The following STARD7 variants were observed in gnomAD, a reference collection of about 807,000 sequenced individuals.
STARD7 encodes StAR related lipid transfer domain containing 7.
Under a neutral mutation model 45.3 loss-of-function variants are expected in STARD7, and 30 were observed. That is an observed-to-expected ratio of 0.66 (90% CI 0.50 to 0.90). The LOEUF is 0.90. Ranked by LOEUF, STARD7 falls within the 40% of genes least tolerant of loss-of-function variation. STARD7 has a pLI of 0.00. For missense variants in STARD7, 495 were observed against 491.3 expected (o/e 1.01, Z -0.07); for synonymous variants, 199 against 183.0 (o/e 1.09, Z -0.70).
chr2:96,193,437 C>A (rs1683157133), intron 3 of STARD7, 85 bp from the exon 4 acceptor site: 4 of 858,530 alleles, frequency 4.7e-6, no homozygotes, highest in East Asian at 2.4e-5. Flanking sequence ...GGTCTCTGAT[C>A]CAAGAATCTT....
At position 96,186,712 on chromosome 2, in the gene STARD7, T is replaced by A; in HGVS notation, c.*18A>T. The A allele has an allele frequency of 6.3e-7, 1 of 1,591,388 alleles. No individual in the cohort carries two copies. The highest frequency in any genetic ancestry group is 8.6e-7 in the Non-Finnish European group (1 of 1,168,944). ...GACAGGGCTAGAAGCACCTTGTCCC[T>A]TCTTATCCCAAAGCCTGTCAAGCAT... is the stretch of plus-strand genomic sequence containing the variant. On this transcript the variant is annotated 3_prime_UTR_variant, in exon 8 of 8. Coordinates refer to ENST00000337288, the MANE Select transcript of STARD7 (RefSeq NM_020151.4).
rs773706751 is a variant in STARD7, at chr2:96,193,122, C to A, written c.699G>T (p.Arg233=). ...TGTTGTTTTCCTGATCCACACTATA[C>A]CGCCGAACATAAACATAATCCCGTG... ...MYSRDYVYVR[R]YSVDQENNMM... is the part of the protein sequence containing the mutation. The change falls in exon 5 of 8, where the codon CGG becomes CGT. Residue 233 remains arginine, a synonymous_variant. Coordinates refer to ENST00000337288, the MANE Select transcript of STARD7 (RefSeq NM_020151.4). The A allele has an allele frequency of 1.9e-6, 3 of 1,613,776 alleles. No homozygotes were observed. The highest frequency in any genetic ancestry group is 2.2e-5 in the South Asian group (2 of 91,074).
chr2:96,206,784 G>A (rs1683398053), intron 1 of STARD7, among the ~76,000 whole-genome samples: 1 of 122,062 alleles, frequency 8.2e-6, no homozygotes, highest in South Asian at 2.8e-4. Context: ...CTGGGCGACA[G>A]AGCGAGACTC....
chr2:96,193,427 G>C, intron 3 of STARD7, 75 bp from the exon 4 acceptor site: 1 of 935,670 alleles, frequency 1.1e-6, no homozygotes, highest in Middle Eastern at 2.1e-4. Flanking sequence ...CAGATGCTTT[G>C]GTCTCTGATC....
At chr2:96,195,684 A>C in intron 1 of STARD7, 135 bp from the exon 2 acceptor site, 1 of 634,076 alleles carries the variant, frequency 1.6e-6, no homozygotes, top group Non-Finnish European at 2.7e-6. Flanking sequence ...CAGTATAGTC[A>C]ATAAAAACTG....
Position 96,192,258 on chromosome 2 carries a change from G to C in STARD7, c.843+111C>G, listed in dbSNP as rs79133185. On this transcript the variant is annotated intron_variant, in intron 6 of 7. Coordinates refer to ENST00000337288, the MANE Select transcript of STARD7 (RefSeq NM_020151.4). ...CAGACCAGTAGCATCAGACTCCCCC[G>C]AGCGAGAACTGTTCCTGCGCCACAC... The C allele has an allele frequency of 2.3e-5, 20 of 867,232 alleles. No homozygotes were observed. The African/African-American group carries it at 3.1e-4, about 14-fold the overall frequency. 53.7% of individuals were successfully genotyped at this position (867,232 alleles called of 1,614,324 possible). A position where few individuals can be genotyped will look rare whatever the true frequency, so the allele number is the denominator to read the frequency against.
Position 96,186,236 on chromosome 2 carries a change from GC to G in STARD7, c.*493del, listed in dbSNP as rs1209133845. The G allele has an allele frequency of 6.5e-6, 1 of 152,704 alleles. No individual in the cohort carries two copies. Among genetic ancestry groups the G allele is most frequent in the Non-Finnish European group, 1.5e-5 (1 of 68,182 alleles). The allele number at this position is 152,704 out of a possible 1,614,324, so 9.5% of individuals were successfully genotyped here. A position where few individuals can be genotyped will look rare whatever the true frequency, so the allele number is the denominator to read the frequency against. ...AGGTGCGGACAAGGCACTTAACATA[GC>G]CAAGTATCGTTCACACCCATTCACA... On this transcript the variant is annotated 3_prime_UTR_variant, in exon 8 of 8. Coordinates refer to ENST00000337288, the MANE Select transcript of STARD7 (RefSeq NM_020151.4).
chr2:96,207,877 T>C (rs1362950881), intron 1 of STARD7, among the ~76,000 whole-genome samples: 4 of 152,096 alleles, frequency 2.6e-5, no homozygotes, highest in Admixed American at 6.5e-5. Context: ...ATTTCTACAG[T>C]GTTGTTTCTT....
chr2:96,186,947 A>G, intron 7 of STARD7, 33 bp from the exon 8 acceptor site: 1 of 1,584,010 alleles, frequency 6.3e-7, no homozygotes, highest in Non-Finnish European at 8.6e-7. Context: ...TTAAGCTGAC[A>G]TACAAACCAA....
chr2:96,186,385 G>A lies in STARD7; in HGVS notation c.*345C>T. ...TCCAAAGCGCTGCACAATCGATGGT[G>A]GGATTTGGAATGTCAGCAGAGGAAA... On this transcript the variant is annotated 3_prime_UTR_variant, in exon 8 of 8. Coordinates refer to ENST00000337288, the MANE Select transcript of STARD7 (RefSeq NM_020151.4). The A allele has an allele frequency of 5.5e-6, 1 of 181,362 alleles. No individual in the cohort carries two copies. The highest frequency in any genetic ancestry group is 1.1e-5 in the Non-Finnish European group (1 of 87,320). The allele number at this position is 181,362 out of a possible 1,614,324, so 11.2% of individuals were successfully genotyped here. A position where few individuals can be genotyped will look rare whatever the true frequency, so the allele number is the denominator to read the frequency against.
chr2:96,205,264 C>T (rs981565466), intron 1 of STARD7, among the ~76,000 whole-genome samples: 2 of 152,176 alleles, frequency 1.3e-5, no homozygotes, highest in Non-Finnish European at 1.5e-5. Context: ...ATTAATAAGA[C>T]GCTATTTGGT....
intron 1 of STARD7, among the ~76,000 whole-genome samples, chr2:96,196,611 G>A (rs1248908269): frequency 5.9e-5 from 9 of 152,100 alleles, no homozygotes; most frequent in Non-Finnish European, 8.8e-5. Context: ...ACAGGCACGC[G>A]CTATCATGCC....
In STARD7 at chr2:96,186,911, AT is replaced by A; in HGVS notation, c.931del (p.Met311CysfsTer13). 6.2e-7 allele frequency: 1 copy of A among 1,612,454 alleles called. No individual in the cohort carries two copies. The highest frequency in any genetic ancestry group is 1.1e-5 in the South Asian group (1 of 90,832). Reference protein sequence around the residue: ...YCVSWMVSSGMPDFLEKLHMA... With the variant: ...YCVSWMVSSGXPDFLEKLHMA... ...GTGCAGCTTCTCCAGGAAATCTGGC[AT>A]GCCTGTCAGGAGACGAGAATCAGGT... is the stretch of plus-strand genomic sequence containing the variant. On this transcript the variant is annotated frameshift_variant and splice_region_variant, in exon 8 of 8. Transcript: ENST00000337288. LOFTEE classifies it high-confidence loss of function.
chr2:96,206,052 G>A (rs1361256070), intron 1 of STARD7, among the ~76,000 whole-genome samples: 3 of 152,198 alleles, frequency 2.0e-5, no homozygotes, highest in African/African-American at 7.2e-5. Flanking sequence ...CTCTTGAGGA[G>A]TTGGAGTAGA....
At chr2:96,199,151 C>T (rs1683269017) in intron 1 of STARD7, among the ~76,000 whole-genome samples, 1 of 152,138 alleles carries the variant, frequency 6.6e-6, no homozygotes, top group Non-Finnish European at 1.5e-5. Context: ...ACTGTTTTTG[C>T]TATTCTGAGT....
chr2:96,204,503 CGA>C (rs1225664763), intron 1 of STARD7, among the ~76,000 whole-genome samples: 1 of 147,310 alleles, frequency 6.8e-6, no homozygotes, highest in Non-Finnish European at 1.5e-5. Context: ...TGCAGTGAGC[CGA>C]GATCATGCCA....
intron 6 of STARD7, 111 bp from the exon 7 acceptor site, chr2:96,187,412 C>A: frequency 1.4e-6 from 1 of 696,806 alleles, no homozygotes; most frequent in South Asian, 1.8e-5. Context: ...AGTGTCATTT[C>A]TTTTTTCACC....
intron 7 of STARD7, 66 bp from the exon 8 acceptor site, chr2:96,186,980 C>T: frequency 6.9e-7 from 1 of 1,448,038 alleles, no homozygotes; most frequent in East Asian, 2.3e-5. Context: ...AATGAGAAGA[C>T]CCTATTTCTT....
At chr2:96,206,526 C>T (rs868599012) in intron 1 of STARD7, among the ~76,000 whole-genome samples, 1 of 151,832 alleles carries the variant, frequency 6.6e-6, no homozygotes, top group African/African-American at 2.4e-5. Context: ...CACGGCCGGG[C>T]GCGGTGGCTC....
Sources: allele counts gnomAD v4.1 joint callset (sites outside exome capture counted in the v4.1 genomes callset), GRCh38; gene constraint gnomAD v4.1.1; transcripts MANE v1.5; gene names NCBI Gene and HGNC (gene_info 2026-07-23, HGNC 2026-07-21).